Variants in FHOD3 observed in about 807,000 individuals in gnomAD.
FHOD3 encodes the protein formin homology 2 domain containing 3, also known as FH1/FH2 domain-containing protein 3.
In FHOD3, 90 loss-of-function variants were observed where a neutral mutation model predicts 173.0. The ratio of observed to expected loss-of-function variants is 0.52; its 90% CI spans 0.44 to 0.62. The LOEUF (loss-of-function observed/expected upper bound fraction) is 0.62. FHOD3 is among the 20% of genes least tolerant of loss of function. The pLI is 0.00. For missense variants in FHOD3, 1,945 were observed against 2,034.7 expected, an observed-to-expected ratio of 0.96 and a Z score of 0.85; for synonymous variants, 828 against 823.0, an observed-to-expected ratio of 1.01 and a Z score of -0.10.
chr18:36,335,010 C>G (rs1284420651), intron 1 of FHOD3, among the ~76,000 whole-genome samples: 1 of 152,160 alleles, frequency 6.6e-6, no homozygotes, highest in Non-Finnish European at 1.5e-5. Flanking sequence ...GAGGCCTGTC[C>G]CTACCCCTTG....
chr18:36,727,651 G>T lies in FHOD3; in HGVS notation c.3418-2995G>T, dbSNP rs73949882. On this transcript the variant is annotated intron_variant, in intron 19 of 28. Coordinates refer to ENST00000590592, the MANE Select transcript of FHOD3 (RefSeq NM_001281740.3). ...GCGCACCCCTCCCTGACTTAGAGGG[G>T]TGTGTGCAGGCATGTGTGTTGCTGT... Among the ~76,000 whole-genome samples the T allele has an allele frequency of 2.3e-3, 347 of 152,248 alleles. 3 individuals are homozygous for T. The highest frequency in any genetic ancestry group is 7.7e-3 in the African/African-American group (319 of 41,538).
At chr18:36,645,112 G>A (rs2035589404) in intron 10 of FHOD3, among the ~76,000 whole-genome samples, 1 of 152,142 alleles carries the variant, frequency 6.6e-6, no homozygotes, top group South Asian at 2.1e-4. Flanking sequence ...GCTGGTAGGG[G>A]GTGGTGTGTA....
At chr18:36,483,992 G>A in intron 3 of FHOD3, among the ~76,000 whole-genome samples, 1 of 152,228 alleles carries the variant, frequency 6.6e-6, no homozygotes, top group East Asian at 1.9e-4. Flanking sequence ...GAGTCTGGTA[G>A]AAATGCGGAA....
chr18:36,399,809 C>A lies in FHOD3; in HGVS notation c.337+27065C>A, dbSNP rs113232012. 9.1e-3 allele frequency among the ~76,000 whole-genome samples: 1,381 copies of A among 152,302 alleles called. 22 individuals are homozygous for A. Among genetic ancestry groups the A allele is most frequent in the African/African-American group, 0.032 (1,319 of 41,556 alleles). On this transcript the variant is annotated intron_variant, in intron 3 of 28. Transcript: ENST00000590592. ...GTTTATAGCCACCGCCAGGAAGATG[C>A]TCTGAGCTCCCATCTTGCTGGGAGG... is the stretch of plus-strand genomic sequence containing the variant.
At chr18:36,528,996 A>G (rs1011531648) in intron 5 of FHOD3, among the ~76,000 whole-genome samples, 1 of 152,182 alleles carries the variant, frequency 6.6e-6, no homozygotes, top group Non-Finnish European at 1.5e-5. Context: ...CTCTTGGGAG[A>G]GGATTCTGAC....
intron 17 of FHOD3, among the ~76,000 whole-genome samples, chr18:36,703,901 C>G (rs1406401761): frequency 6.6e-6 from 1 of 152,168 alleles, no homozygotes; most frequent in African/African-American, 2.4e-5. Context: ...CATGGGTTCT[C>G]ATGTTGATGG....
chr18:36,449,947 T>TG (rs2051727111), intron 3 of FHOD3, among the ~76,000 whole-genome samples: 1 of 152,208 alleles, frequency 6.6e-6, no homozygotes. Context: ...AGTAGGTTTT[T>TG]GGGGAACAGG....
chr18:36,418,891 G>A (rs1249050470), intron 3 of FHOD3, among the ~76,000 whole-genome samples: 1 of 152,088 alleles, frequency 6.6e-6, no homozygotes, highest in Non-Finnish European at 1.5e-5. Flanking sequence ...TCCAGCCTGG[G>A]CGACAAAGTG....
chr18:36,297,753 C>T lies in FHOD3; in HGVS notation c.-83C>T, dbSNP rs1163789251. On this transcript the variant is annotated 5_prime_UTR_variant, in exon 1 of 29. Transcript: ENST00000590592. ...CGAGCCAGCGAGCTGCGGCTGCGGC[C>T]TCCCCTGCGCGCAGCTACCCGGGCG... 2.6e-6 allele frequency: 3 copies of T among 1,168,408 alleles called. No homozygotes were observed. The highest frequency in any genetic ancestry group is 3.3e-6 in the Non-Finnish European group (3 of 910,342). The allele number at this position is 1,168,408 out of a possible 1,614,324, so 72.4% of individuals were successfully genotyped here. A position where few individuals can be genotyped will look rare whatever the true frequency, so the allele number is the denominator to read the frequency against.
intron 17 of FHOD3, among the ~76,000 whole-genome samples, chr18:36,701,037 G>A (rs1163510757): frequency 6.6e-6 from 1 of 152,198 alleles, no homozygotes; most frequent in Non-Finnish European, 1.5e-5. Flanking sequence ...AAGCATCTAC[G>A]TGTGCCTCGG....
intron 11 of FHOD3, among the ~76,000 whole-genome samples, chr18:36,651,623 A>G (rs2036056519): frequency 6.6e-6 from 1 of 152,186 alleles, no homozygotes; most frequent in Admixed American, 6.5e-5. Context: ...GTGGTATCGC[A>G]TGCCTGTAAT....
chr18:36,302,155 T>C (rs985819175), intron 1 of FHOD3, among the ~76,000 whole-genome samples: 7 of 152,218 alleles, frequency 4.6e-5, no homozygotes, highest in African/African-American at 1.4e-4. Flanking sequence ...GTGTCCTGAA[T>C]GTTCTCCTTC....
intron 4 of FHOD3, 59 bp from the exon 5 acceptor site, chr18:36,512,379 C>T: frequency 7.8e-7 from 1 of 1,282,974 alleles, no homozygotes; most frequent in Non-Finnish European, 1.1e-6. Flanking sequence ...AGCAGCACAG[C>T]TGGGATGGAA....
intron 1 of FHOD3, among the ~76,000 whole-genome samples, chr18:36,330,984 TGC>T (rs1354921319): frequency 2.0e-5 from 3 of 152,192 alleles, no homozygotes; most frequent in Non-Finnish European, 4.4e-5. Context: ...CATTCCTTGC[TGC>T]TCCCCAGGCG....
intron 5 of FHOD3, among the ~76,000 whole-genome samples, chr18:36,564,328 A>G (rs1300295025): frequency 6.6e-6 from 1 of 152,234 alleles, no homozygotes; most frequent in Non-Finnish European, 1.5e-5. Flanking sequence ...AAAAATTTTT[A>G]GAGGTTCAAA....
chr18:36,455,754 C>T (rs1433540903), intron 3 of FHOD3, among the ~76,000 whole-genome samples: 1 of 152,146 alleles, frequency 6.6e-6, no homozygotes, highest in Admixed American at 6.5e-5. Context: ...GTCTTTACTG[C>T]ACATGCTTTG....
At chr18:36,671,249 G>C (rs1217989458) in intron 14 of FHOD3, among the ~76,000 whole-genome samples, 4 of 152,200 alleles carry the variant, frequency 2.6e-5, no homozygotes, top group Non-Finnish European at 4.4e-5. Flanking sequence ...CTCTACTCAG[G>C]GAGACTTCCA....
intron 20 of FHOD3, among the ~76,000 whole-genome samples, chr18:36,739,363 A>G (rs2041795031): frequency 6.6e-6 from 1 of 152,230 alleles, no homozygotes; most frequent in African/African-American, 2.4e-5. Context: ...CTCCAGAAGG[A>G]GCAGTACTGT....
chr18:36,596,738 G>T (rs896888066), intron 7 of FHOD3, among the ~76,000 whole-genome samples: 15 of 152,080 alleles, frequency 9.9e-5, no homozygotes, highest in Admixed American at 5.9e-4. Flanking sequence ...GTACATGGAC[G>T]GGGGCTGTGA....
Sources: gnomAD v4.1 joint callset for allele counts (sites outside exome capture counted in the v4.1 genomes callset) on GRCh38, gnomAD v4.1.1 for gene constraint, MANE v1.5 for transcripts, NCBI Gene and HGNC (gene_info 2026-07-23, HGNC 2026-07-21) for gene names.